The following NFATC3 variants were observed in gnomAD, a reference collection of about 807,000 sequenced individuals.
NFATC3 encodes the protein nuclear factor of activated T cells 3.
A neutral mutation model predicts 98.6 loss-of-function variants in NFATC3; 46 were observed. The ratio of observed to expected loss-of-function variants is 0.47; its 90% CI spans 0.37 to 0.60. The LOEUF is 0.60. NFATC3 is among the 20% of genes least tolerant of loss of function. The pLI, the probability that NFATC3 is intolerant of heterozygous loss-of-function variation, is 0.00. For synonymous variants in NFATC3, 512 were observed against 472.2 expected, an observed-to-expected ratio of 1.08 and a Z score of -1.09; for missense variants, 1,256 against 1,295.5, an observed-to-expected ratio of 0.97 and a Z score of 0.47.
chr16:68,107,359 C>T (rs1410422927), intron 1 of NFATC3, among the ~76,000 whole-genome samples: 3 of 152,150 alleles, frequency 2.0e-5, no homozygotes, highest in Non-Finnish European at 4.4e-5. Flanking sequence ...TAATTTACAT[C>T]CCTACCAAGA....
At chr16:68,171,438 C>G (rs1274291826) in intron 5 of NFATC3, among the ~76,000 whole-genome samples, 1 of 151,782 alleles carries the variant, frequency 6.6e-6, no homozygotes, top group East Asian at 1.9e-4. Flanking sequence ...CTTGGTACAT[C>G]CCAAGTAATA....
chr16:68,111,510 G>A lies in NFATC3; in HGVS notation c.104-10477G>A, dbSNP rs577800356. ...CTCCATCTCTTTATTTTGAGCCTGT[G>A]CATGTCTTTGCATGTTAGATGGGTC... On this transcript the variant is annotated intron_variant, in intron 1 of 9. Coordinates refer to ENST00000346183, the MANE Select transcript of NFATC3 (RefSeq NM_173165.3). 2.0e-5 allele frequency among the ~76,000 whole-genome samples: 3 copies of A among 152,188 alleles called. No homozygotes were observed. The East Asian group carries it at 5.8e-4, about 29-fold the overall frequency.
chr16:68,112,268 CTTTTTTTTTTT>C (rs768228927), intron 1 of NFATC3, among the ~76,000 whole-genome samples: 14 of 77,424 alleles, frequency 1.8e-4, no homozygotes, highest in Non-Finnish European at 2.5e-4. Flanking sequence ...TAGGTTCAGT[CTTTTTTTTTTT>C]TTTTTTTTTT....
chr16:68,221,258 G>A (rs2151179277), intron 9 of NFATC3: 2 of 1,613,968 alleles, frequency 1.2e-6, no homozygotes, highest in East Asian at 4.5e-5. Flanking sequence ...GCCAGTCCCA[G>A]CAGGAAGATA....
At chr16:68,158,575 T>C (rs535873136) in intron 4 of NFATC3, among the ~76,000 whole-genome samples, 2 of 152,316 alleles carry the variant, frequency 1.3e-5, no homozygotes, top group African/African-American at 4.8e-5. Context: ...GTTAGGGGTT[T>C]AGTGTTTTAT....
chr16:68,121,954 T>TG (rs756180348), intron 1 of NFATC3, 33 bp from the exon 2 acceptor site: 12 of 1,522,530 alleles, frequency 7.9e-6, no homozygotes, highest in Admixed American at 2.3e-5. Context: ...CTTGTTTTGT[T>TG]GGGTTTTTTT....
intron 5 of NFATC3, among the ~76,000 whole-genome samples, chr16:68,168,487 T>G (rs1315231237): frequency 6.7e-6 from 1 of 149,660 alleles, no homozygotes; most frequent in Non-Finnish European, 1.5e-5. Context: ...ATTATTATTA[T>G]TATTATTATT....
intron 9 of NFATC3, among the ~76,000 whole-genome samples, chr16:68,206,215 T>G (rs1260934136): frequency 6.6e-6 from 1 of 152,228 alleles, no homozygotes; most frequent in Non-Finnish European, 1.5e-5. Context: ...TTTCACACAA[T>G]GTTCTCCCAT....
chr16:68,142,874 C>T (rs905713451), intron 3 of NFATC3, among the ~76,000 whole-genome samples: 3 of 151,924 alleles, frequency 2.0e-5, no homozygotes, highest in African/African-American at 7.3e-5. Flanking sequence ...AACTTAAATG[C>T]CCTTTACTTC....
At chr16:68,201,820 CGATGGTG>C (rs879345960) in intron 9 of NFATC3, among the ~76,000 whole-genome samples, 16,738 of 149,526 alleles carry the variant, frequency 0.11, 1,103 homozygotes, top group South Asian at 0.18. Context: ...CAGCTGGGCA[CGATGGTG>C]CATGCCTGTA....
intron 1 of NFATC3, among the ~76,000 whole-genome samples, chr16:68,099,462 A>G (rs1307415898): frequency 6.6e-6 from 1 of 151,346 alleles, no homozygotes; most frequent in East Asian, 1.9e-4. Context: ...TTAGCCGGGC[A>G]TGGTGGTGGG....
chr16:68,092,467 T>A (rs1486371237), intron 1 of NFATC3, among the ~76,000 whole-genome samples: 141 of 143,220 alleles, frequency 9.8e-4, no homozygotes, highest in Middle Eastern at 7.6e-3. Context: ...AAAAAAAAAA[T>A]AAATAAATAA....
chr16:68,117,699 G>T (rs2036359047), intron 1 of NFATC3, among the ~76,000 whole-genome samples: 1 of 152,070 alleles, frequency 6.6e-6, no homozygotes, highest in Non-Finnish European at 1.5e-5. Context: ...TTTTATTTTT[G>T]TAGAAATGGG....
chr16:68,142,823 G>C (rs538430212), intron 3 of NFATC3, among the ~76,000 whole-genome samples: 3 of 151,956 alleles, frequency 2.0e-5, no homozygotes, highest in Non-Finnish European at 4.4e-5. Flanking sequence ...GTATATGATC[G>C]TATCTTTGGC....
chr16:68,099,969 A>G (rs1454398522), intron 1 of NFATC3, among the ~76,000 whole-genome samples: 5 of 151,918 alleles, frequency 3.3e-5, no homozygotes, highest in Non-Finnish European at 4.4e-5. Context: ...CCACCGTGCC[A>G]GGCCCTATGT....
chr16:68,177,202 C>A lies in NFATC3; in HGVS notation c.1915+2688C>A, dbSNP rs1480145189. On this transcript the variant is annotated intron_variant, in intron 6 of 9. Coordinates refer to ENST00000346183, the MANE Select transcript of NFATC3 (RefSeq NM_173165.3). Reference sequence around the variant, plus strand: ...AGCTGGGATTACAGGCACCTGCCTCCACGCCTGGCTAATTTTTGTATTTTT... The same window carrying A: ...AGCTGGGATTACAGGCACCTGCCTCAACGCCTGGCTAATTTTTGTATTTTT... 2.0e-5 allele frequency among the ~76,000 whole-genome samples: 3 copies of A among 151,976 alleles called. No homozygotes were observed. The East Asian group carries it at 5.8e-4, about 29-fold the overall frequency.
intron 9 of NFATC3, among the ~76,000 whole-genome samples, chr16:68,206,804 G>A (rs1024151684): frequency 1.3e-5 from 2 of 152,028 alleles, no homozygotes; most frequent in East Asian, 1.9e-4. Context: ...GCAACATGGC[G>A]AGACCCCATG....
In NFATC3 at chr16:68,190,917, T is replaced by C. The variant is rs372841263; in HGVS notation, c.2248T>C (p.Ser750Pro). 3 of 1,614,188 alleles carry C rather than the reference T, an allele frequency of 1.9e-6. No homozygotes were observed. The highest frequency in any genetic ancestry group is 2.7e-5 in the African/African-American group (2 of 75,024). Residue 750 changes from serine (S) to proline (P), a missense_variant, in exon 9 of 10, where the codon TCC becomes CCC. This residue lies in a region of NFATC3 where 636 missense variants were observed against 617.3 expected (regional missense o/e 1.03). Coordinates refer to ENST00000346183, the MANE Select transcript of NFATC3 (RefSeq NM_173165.3). Reference sequence around the variant, plus strand: ...GTCAGGACAGAGAAGTTTGATTTGCTCCATCCCACAAACATATGCATCCAT... The same window carrying C: ...GTCAGGACAGAGAAGTTTGATTTGCCCCATCCCACAAACATATGCATCCAT... ...VLSGQRSLIC[S>P]IPQTYASMVT...
At chr16:68,157,831 A>G (rs1367298966) in intron 3 of NFATC3, 38 bp from the exon 4 acceptor site, 1 of 1,544,750 alleles carries the variant, frequency 6.5e-7, no homozygotes, top group African/African-American at 1.4e-5. Flanking sequence ...TGCATGGATA[A>G]TGAATTGTGC....
Sources: gnomAD v4.1 joint callset for allele counts (sites outside exome capture counted in the v4.1 genomes callset) on GRCh38, gnomAD v4.1.1 for gene constraint, gnomAD v4.1.1 regional missense constraint, MANE v1.5 for transcripts, NCBI Gene and HGNC (gene_info 2026-07-23, HGNC 2026-07-21) for gene names.